The following PTPN13 variants were observed in gnomAD, a reference collection of about 807,000 sequenced individuals.
PTPN13 encodes the protein tyrosine-protein phosphatase non-receptor type 13.
Under a neutral mutation model 284.0 loss-of-function variants are expected in PTPN13, and 191 were observed. The ratio of observed to expected loss-of-function variants is 0.67; its 90% CI spans 0.60 to 0.76. PTPN13 has a LOEUF of 0.76. Among genes scored for constraint, PTPN13 ranks in the 30% least tolerant of loss-of-function variants. The pLI, the probability that PTPN13 is intolerant of heterozygous loss-of-function variation, is 0.00. For synonymous variants in PTPN13, 986 were observed against 1,022.3 expected (o/e 0.96, Z 0.68); for missense variants, 2,797 against 2,939.9 (o/e 0.95, Z 1.12).
At chr4:86,745,762 C>G (rs918601226) in intron 17 of PTPN13, among the ~76,000 whole-genome samples, 1 of 151,236 alleles carries the variant, frequency 6.6e-6, no homozygotes, top group Non-Finnish European at 1.5e-5. Context: ...GGCGACAGTG[C>G]GAGACTCTGT....
intron 29 of PTPN13, 49 bp downstream of exon 29, chr4:86,770,032 T>C: frequency 6.2e-7 from 1 of 1,611,342 alleles, no homozygotes; most frequent in Admixed American, 1.7e-5. Context: ...TGAGATGGAT[T>C]GGCCTTTCAG....
chr4:86,759,184 A>C (rs1738375013), intron 23 of PTPN13, 111 bp downstream of exon 23: 1 of 1,124,672 alleles, frequency 8.9e-7, no homozygotes. Flanking sequence ...GATGCAACTT[A>C]AGTAAACTGT....
At chr4:86,719,049 G>A (rs1733350075) in intron 9 of PTPN13, among the ~76,000 whole-genome samples, 1 of 152,098 alleles carries the variant, frequency 6.6e-6, no homozygotes, top group South Asian at 2.1e-4. Flanking sequence ...CGTGACAGGG[G>A]TTTGTATACA....
intron 1 of PTPN13, among the ~76,000 whole-genome samples, chr4:86,625,387 C>T (rs560878693): frequency 1.3e-5 from 2 of 152,202 alleles, no homozygotes; most frequent in East Asian, 3.9e-4. Context: ...TTACACCCTC[C>T]TCCCTCATCC....
intron 2 of PTPN13, among the ~76,000 whole-genome samples, chr4:86,641,176 A>C (rs1171291650): frequency 2.6e-5 from 4 of 152,134 alleles, no homozygotes; most frequent in African/African-American, 9.6e-5. Context: ...AATAATTATT[A>C]GTTTTTTTAT....
intron 2 of PTPN13, among the ~76,000 whole-genome samples, chr4:86,639,340 G>T (rs888124024): frequency 1.3e-5 from 2 of 152,076 alleles, no homozygotes; most frequent in African/African-American, 4.8e-5. Flanking sequence ...TATACCCAAA[G>T]GACTATAAAT....
At chr4:86,742,344 A>C (rs1256411533) in intron 16 of PTPN13, among the ~76,000 whole-genome samples, 1 of 152,206 alleles carries the variant, frequency 6.6e-6, no homozygotes, top group Non-Finnish European at 1.5e-5. Flanking sequence ...TTTAGAAAAT[A>C]ATATGTTTAT....
intron 21 of PTPN13, 135 bp downstream of exon 21, chr4:86,758,484 C>T: frequency 2.2e-6 from 2 of 915,944 alleles, no homozygotes; most frequent in Non-Finnish European, 1.7e-6. Flanking sequence ...CCTACAAGCC[C>T]ATCAACCTAC....
intron 16 of PTPN13, among the ~76,000 whole-genome samples, chr4:86,743,271 A>G (rs900453735): frequency 6.6e-6 from 1 of 151,932 alleles, no homozygotes; most frequent in African/African-American, 2.4e-5. Context: ...TGAACCTCTA[A>G]CCTATCTCTG....
chr4:86,735,851 G>A, intron 15 of PTPN13, 105 bp downstream of exon 15: 2 of 974,868 alleles, frequency 2.1e-6, no homozygotes, highest in Non-Finnish European at 2.9e-6. Context: ...AACTGATACT[G>A]TGCATAATCT....
At chr4:86,811,192 T>G (rs1745184736) in intron 47 of PTPN13, 84 bp downstream of exon 47, 1 of 1,322,222 alleles carries the variant, frequency 7.6e-7, no homozygotes, top group African/African-American at 1.5e-5. Context: ...ATTTTTCTTT[T>G]TTGAGAGTTC....
chr4:86,714,546 A>G (rs753850233), intron 7 of PTPN13, among the ~76,000 whole-genome samples: 1 of 152,126 alleles, frequency 6.6e-6, no homozygotes, highest in East Asian at 1.9e-4. Context: ...TGGGGGGGAA[A>G]ATCTATTTTT....
At chr4:86,752,529 T>G (rs748064056) in intron 19 of PTPN13, among the ~76,000 whole-genome samples, 6 of 152,196 alleles carry the variant, frequency 3.9e-5, no homozygotes, top group Non-Finnish European at 8.8e-5. Context: ...TTTCAAAGTG[T>G]TCACATATAA....
chr4:86,802,218 T>C (rs976224683), intron 42 of PTPN13, among the ~76,000 whole-genome samples: 1 of 151,686 alleles, frequency 6.6e-6, no homozygotes, highest in Non-Finnish European at 1.5e-5. Flanking sequence ...TAGAGAATAT[T>C]GTGAAGTTTG....
intron 15 of PTPN13, among the ~76,000 whole-genome samples, chr4:86,739,283 G>T (rs1197870015): frequency 6.6e-6 from 1 of 152,182 alleles, no homozygotes; most frequent in Non-Finnish European, 1.5e-5. Context: ...GATATAGTGT[G>T]TTAGTCCTTT....
intron 32 of PTPN13, 89 bp from the exon 33 acceptor site, chr4:86,774,284 T>A: frequency 7.8e-7 from 1 of 1,289,048 alleles, no homozygotes; most frequent in East Asian, 2.5e-5. Flanking sequence ...TTTGACTTTC[T>A]CCTCTGTTAA....
At chr4:86,616,536 G>T (rs1337353291) in intron 1 of PTPN13, among the ~76,000 whole-genome samples, 1 of 151,410 alleles carries the variant, frequency 6.6e-6, no homozygotes. Context: ...TATTTAGATC[G>T]TGGGGCCATG....
Position 86,775,422 on chromosome 4 carries a change from A to G in PTPN13, c.5681-20A>G, listed in dbSNP as rs765206053. The G allele has an allele frequency of 2.5e-6, 4 of 1,594,180 alleles. No individual in the cohort carries two copies. The South Asian group carries it at 3.3e-5, about 13-fold the overall frequency. On this transcript the variant is annotated intron_variant, in intron 34 of 47. Transcript: ENST00000411767. Reference sequence around the variant, plus strand: ...AGTACTTTTATGACTGAGAAAACAAATATTTTCTATTATTTCAAGGTTTTT... The same window carrying G: ...AGTACTTTTATGACTGAGAAAACAAGTATTTTCTATTATTTCAAGGTTTTT...
intron 3 of PTPN13, among the ~76,000 whole-genome samples, chr4:86,682,170 T>G (rs973971131): frequency 6.6e-6 from 1 of 152,218 alleles, no homozygotes; most frequent in Admixed American, 6.5e-5. Flanking sequence ...GTTGTCTAGC[T>G]CTTCTATACA....
Sources: gnomAD v4.1 joint callset for allele counts (sites outside exome capture counted in the v4.1 genomes callset) on GRCh38, gnomAD v4.1.1 for gene constraint, MANE v1.5 for transcripts, NCBI Gene and HGNC (gene_info 2026-07-23, HGNC 2026-07-21) for gene names.